ELP2: variants seen among roughly 807,000 people sequenced by gnomAD.
The protein encoded by ELP2 is elongator acetyltransferase complex subunit 2, also known as elongator complex protein 2.
ELP2 carries 90 observed loss-of-function variants against 119.2 expected under a neutral mutation model. That is an observed-to-expected ratio of 0.75 (90% CI 0.64 to 0.90). The LOEUF is 0.90. Among genes scored for constraint, ELP2 ranks in the 40% least tolerant of loss-of-function variants. The probability of loss-of-function intolerance (pLI) is 0.00; values close to 1 mark genes in which losing one functional copy is unlikely to be tolerated. For missense variants in ELP2, 921 were observed against 967.8 expected (o/e 0.95, Z 0.64); for synonymous variants, 339 against 331.0 (o/e 1.02, Z -0.26).
Position 36,170,147 on chromosome 18 carries a change from G to A in ELP2, c.2161G>A (p.Gly721Arg). ...GPCSSVLDVGGAVTAVSVCPV... is the reference protein window; with the variant it reads ...GPCSSVLDVGRAVTAVSVCPV... ...CTGCTCCTCAGTCCTGGACGTGGGTGGGGCTGTGACAGCTGTCAGCGTCTG... is the reference window on the plus strand; with the variant it reads ...CTGCTCCTCAGTCCTGGACGTGGGTAGGGCTGTGACAGCTGTCAGCGTCTG... Residue 721 changes from glycine (G) to arginine (R), a missense_variant, in exon 20 of 22, where the codon GGG (glycine) becomes AGG (arginine). Gly to Arg is a moderately radical substitution (Grantham distance 125). Coordinates refer to ENST00000358232, the MANE Select transcript of ELP2 (RefSeq NM_018255.4). The A allele has an allele frequency of 6.2e-7, 1 of 1,614,062 alleles. No homozygotes were observed. The highest frequency in any genetic ancestry group is 8.5e-7 in the Non-Finnish European group (1 of 1,179,994).
At chr18:36,155,267 C>CCG (rs956710486) in intron 12 of ELP2, among the ~76,000 whole-genome samples, 2 of 66,654 alleles carry the variant, frequency 3.0e-5, no homozygotes, top group Non-Finnish European at 7.8e-5. Context: ...CCGCCCCTCC[C>CCG]CCCCCCCCGC....
At chr18:36,153,984 C>G (rs780610325) in intron 11 of ELP2, among the ~76,000 whole-genome samples, 6 of 150,582 alleles carry the variant, frequency 4.0e-5, no homozygotes, top group Non-Finnish European at 7.4e-5. Flanking sequence ...GTCCATTGCT[C>G]AAAACTTTTT....
chr18:36,171,358 G>T (rs2091077257), intron 21 of ELP2, among the ~76,000 whole-genome samples, 198 bp downstream of exon 21: 1 of 152,156 alleles, frequency 6.6e-6, no homozygotes, highest in African/African-American at 2.4e-5. Flanking sequence ...TTAAAAGTTT[G>T]CTTGACCAAA....
At chr18:36,141,860 T>C (rs2090041762) in intron 6 of ELP2, among the ~76,000 whole-genome samples, 1 of 152,046 alleles carries the variant, frequency 6.6e-6, no homozygotes, top group Admixed American at 6.5e-5. Context: ...CTGACTACTT[T>C]TTAAATTTTT....
In ELP2 at chr18:36,177,869, C is replaced by T. The variant is rs2091261252; in HGVS notation, c.*3228C>T. On this transcript the variant is annotated 3_prime_UTR_variant, in exon 22 of 22. Coordinates refer to ENST00000358232, the MANE Select transcript of ELP2 (RefSeq NM_018255.4). ...GGAGGGTCTGGCTCATAGCATTTCA[C>T]AAACATTATACTTCAGAGTCCCAAA... is the stretch of plus-strand genomic sequence containing the variant. 2 of 152,178 alleles carry T rather than the reference C, an allele frequency of 1.3e-5. No individual in the cohort carries two copies. Among genetic ancestry groups the T allele is most frequent in the South Asian group, 4.1e-4 (2 of 4,832 alleles). 9.4% of individuals were successfully genotyped at this position (152,178 alleles called of 1,614,324 possible).
At position 36,162,754 on chromosome 18, in the gene ELP2, G is replaced by C. The variant is rs28857594; in HGVS notation, c.1762-1721G>C. 7.0e-3 allele frequency among the ~76,000 whole-genome samples: 1,067 copies of C among 152,262 alleles called. 16 individuals carry two copies. The highest frequency in any genetic ancestry group is 0.025 in the African/African-American group (1,025 of 41,540). Reference sequence around the variant, plus strand: ...AGTCTTTTTAACTTTAACCGTTCTAGTAAGTGTGTAGCAGCTCATTATGGC... The same window carrying C: ...AGTCTTTTTAACTTTAACCGTTCTACTAAGTGTGTAGCAGCTCATTATGGC... On this transcript the variant is annotated intron_variant, in intron 17 of 21. Transcript: ENST00000358232.
At chr18:36,138,200 T>A in intron 3 of ELP2, 70 bp from the exon 4 acceptor site, 1 of 1,539,100 alleles carries the variant, frequency 6.5e-7, no homozygotes. Context: ...TATTGGCACA[T>A]TTATCCAATT....
At chr18:36,167,952 C>T (rs887875064) in intron 19 of ELP2, among the ~76,000 whole-genome samples, 1 of 152,216 alleles carries the variant, frequency 6.6e-6, no homozygotes, top group African/African-American at 2.4e-5. Flanking sequence ...GTTGGAATTA[C>T]AGGCATGAGC....
rs755203115 is a variant in ELP2, at chr18:36,138,289, T to C, written c.308T>C (p.Leu103Pro). Residue 103 changes from leucine to proline, a missense_variant, in exon 4 of 22, where the codon CTT (leucine) becomes CCT (proline). Physicochemically the swap from Leu to Pro is moderately conservative, Grantham distance 98 (BLOSUM62 -3). Coordinates refer to ENST00000358232, the MANE Select transcript of ELP2 (RefSeq NM_018255.4). ...EDNQLLKAVH[L>P]QGHEGPVYAV... ...ATTCAGCTTTTAAAAGCAGTGCATC[T>C]TCAAGGCCATGAAGGACCTGTTTAT... 1.9e-6 allele frequency: 3 copies of C among 1,614,154 alleles called. No individual in the cohort carries two copies. Among genetic ancestry groups the C allele is most frequent in the Non-Finnish European group, 8.5e-7 (1 of 1,179,990 alleles).
At chr18:36,137,627 G>A (rs1053258305) in intron 3 of ELP2, among the ~76,000 whole-genome samples, 23 of 152,046 alleles carry the variant, frequency 1.5e-4, no homozygotes, top group African/African-American at 5.6e-4. Flanking sequence ...TAATCTTGAT[G>A]GCAAGCAGAT....
Position 36,164,551 on chromosome 18 carries a change from A to C in ELP2, c.1838A>C (p.His613Pro), listed in dbSNP as rs1274064370. Residue 613 changes from histidine (H) to proline (P), a missense_variant, in exon 18 of 22, where the codon CAC becomes CCC. By Grantham distance (77) the His-to-Pro change is moderately conservative. Transcript: ENST00000358232. ...AAACAGGTGCAGAATTTAGTTTTCC[A>C]CAGTTTGACAGTCACGCAGATGGCC... Reference protein sequence around the residue: ...SWKQVQNLVFHSLTVTQMAFS... With the variant: ...SWKQVQNLVFPSLTVTQMAFS... The C allele has an allele frequency of 6.2e-7, 1 of 1,614,114 alleles. No homozygotes were observed. Among genetic ancestry groups the C allele is most frequent in the Admixed American group, 1.7e-5 (1 of 60,016 alleles).
In ELP2 at chr18:36,148,636, A is replaced by G. The variant is rs187988571; in HGVS notation, c.1125+2255A>G. Reference sequence around the variant, plus strand: ...CACTTTGGGAGGCCAAGGCGGGAGGATTATTTGAGCCCAGGAGCTTGAGGC... The same window carrying G: ...CACTTTGGGAGGCCAAGGCGGGAGGGTTATTTGAGCCCAGGAGCTTGAGGC... On this transcript the variant is annotated intron_variant, in intron 11 of 21. Transcript: ENST00000358232. Among the ~76,000 whole-genome samples the G allele has an allele frequency of 5.0e-3, 754 of 152,194 alleles. 5 individuals are homozygous for G. Among genetic ancestry groups the G allele is most frequent in the Middle Eastern group, 0.034 (10 of 294 alleles).
At position 36,129,943 on chromosome 18, in the gene ELP2, C is replaced by T. The variant is rs770664170; in HGVS notation, c.10C>T (p.Pro4Ser). The change falls in exon 1 of 22, where the codon CCC becomes TCC. Residue 4 changes from proline (P) to serine (S), a missense_variant. Pro to Ser is a moderately conservative substitution (Grantham distance 74). Coordinates refer to ENST00000358232, the MANE Select transcript of ELP2 (RefSeq NM_018255.4). Reference protein sequence around the residue: MVAPVLETSHVFCC... With the variant: MVASVLETSHVFCC... The stretch of plus-strand genomic sequence containing the variant: ...CTGACCAGTTGGCGACATGGTGGCA[C>T]CCGTGCTGGAGACTTCTCACGTGTT... 9 of 1,614,094 alleles carry T rather than the reference C, an allele frequency of 5.6e-6. No homozygotes were observed. In the Admixed American group the frequency reaches 1.2e-4, roughly 21 times the overall value.
intron 3 of ELP2, among the ~76,000 whole-genome samples, chr18:36,136,891 G>T (rs1228682711): frequency 2.0e-5 from 3 of 152,024 alleles, no homozygotes; most frequent in African/African-American, 7.2e-5. Context: ...ACTCTTCTCA[G>T]TGCTACCCCA....
intron 17 of ELP2, 52 bp downstream of exon 17, chr18:36,161,056 A>G: frequency 7.5e-7 from 1 of 1,333,042 alleles, no homozygotes; most frequent in Non-Finnish European, 1.1e-6. Context: ...TTGGGTCATC[A>G]GGCTCCTGCA....
intron 11 of ELP2, 147 bp from the exon 12 acceptor site, chr18:36,154,703 A>G (rs1457310176): frequency 1.3e-6 from 1 of 775,450 alleles, no homozygotes; most frequent in East Asian, 2.5e-5. Context: ...TGGAAAATGG[A>G]TCCTATTATT....
At chr18:36,163,120 A>G (rs191741581) in intron 17 of ELP2, among the ~76,000 whole-genome samples, 29 of 152,084 alleles carry the variant, frequency 1.9e-4, no homozygotes, top group Admixed American at 1.8e-3. Context: ...ATGTATACCC[A>G]TTGTTTAGCT....
At chr18:36,139,137 C>A (rs151288583) in intron 5 of ELP2, among the ~76,000 whole-genome samples, 21 of 152,196 alleles carry the variant, frequency 1.4e-4, no homozygotes, top group Non-Finnish European at 2.9e-4. Flanking sequence ...ATCAAATATA[C>A]TGTGGATGTA....
chr18:36,139,446 G>T (rs74586912), intron 5 of ELP2: 30,855 of 1,535,580 alleles, frequency 0.02, 395 homozygotes, highest in Middle Eastern at 0.035. Flanking sequence ...CAGGTGGAAC[G>T]AGGCAGGGCC....
Sources: gnomAD v4.1 joint callset for allele counts (sites outside exome capture counted in the v4.1 genomes callset) on GRCh38, gnomAD v4.1.1 for gene constraint, MANE v1.5 for transcripts, NCBI Gene and HGNC (gene_info 2026-07-23, HGNC 2026-07-21) for gene names.